Variants in ZNF257 observed in about 807,000 individuals in gnomAD.
ZNF257 encodes zinc finger protein 257, also known as bone marrow zinc finger 4.
ZNF257 carries 12 observed loss-of-function variants against 11.9 expected under a neutral mutation model. The ratio of observed to expected loss-of-function variants is 1.01; its 90% confidence interval spans 0.65 to 1.63. ZNF257 has a LOEUF of 1.63. Among genes scored for constraint, ZNF257 ranks in the 40% most tolerant of loss-of-function variants. ZNF257 has a pLI of 0.00. For missense variants in ZNF257, 580 were observed against 665.5 expected (o/e 0.87, Z 1.41); for synonymous variants, 183 against 222.7 (o/e 0.82, Z 1.59).
intron 1 of ZNF257, among the ~76,000 whole-genome samples, chr19:22,062,613 G>T (rs1309014687): frequency 6.6e-6 from 1 of 151,770 alleles, no homozygotes; most frequent in Non-Finnish European, 1.5e-5. Context: ...CTTTCAAGTA[G>T]CTGGGATTAC....
Position 22,089,309 on chromosome 19 carries a change from GT to G in ZNF257, c.1560del (p.Cys520TrpfsTer80). 6.2e-7 allele frequency: 1 copy of G among 1,613,858 alleles called. No individual in the cohort carries two copies. On this transcript the variant is annotated frameshift_variant, in exon 4 of 4. Transcript: ENST00000594947. LOFTEE classifies it low-confidence loss of function (END_TRUNC). ...TGEKPYKCEE[C>X]GKPFNRFSYL... The stretch of plus-strand genomic sequence containing the variant: ...GAGAAACCCTACAAATGTGAAGAAT[GT>G]GGCAAGCCTTTTAATCGTTTCTCAT...
At chr19:22,078,815 G>T (rs113023530) in intron 3 of ZNF257, among the ~76,000 whole-genome samples, 1 of 137,384 alleles carries the variant, frequency 7.3e-6, no homozygotes, top group African/African-American at 2.8e-5. Flanking sequence ...TTTTTGAGAC[G>T]GAGTTTTGCT....
At chr19:22,078,792 CTTTTTTT>C (rs376822565) in intron 3 of ZNF257, among the ~76,000 whole-genome samples, 1 of 133,014 alleles carries the variant, frequency 7.5e-6, no homozygotes, top group African/African-American at 2.8e-5. Flanking sequence ...TTCTTTCTTT[CTTTTTTT>C]TTTTTTTTTT....
At chr19:22,069,200 T>A (rs1386960865) in intron 1 of ZNF257, among the ~76,000 whole-genome samples, 2 of 152,172 alleles carry the variant, frequency 1.3e-5, no homozygotes, top group Admixed American at 6.5e-5. Context: ...ATCCATGAAC[T>A]TTTAGTCCAG....
intron 1 of ZNF257, among the ~76,000 whole-genome samples, chr19:22,059,889 T>G (rs541154172): frequency 0.15 from 19,535 of 126,602 alleles, 1,426 homozygotes; most frequent in Middle Eastern, 0.21. Flanking sequence ...CACCCACTAA[T>G]TTTTTTCTTT....
chr19:22,057,863 G>A (rs1024113324), intron 1 of ZNF257, among the ~76,000 whole-genome samples: 3 of 152,140 alleles, frequency 2.0e-5, no homozygotes, highest in Non-Finnish European at 4.4e-5. Context: ...GGGTTCAAGC[G>A]ATTCTCCTGC....
chr19:22,076,838 G>A (rs931152212), intron 3 of ZNF257, among the ~76,000 whole-genome samples: 1 of 151,986 alleles, frequency 6.6e-6, no homozygotes, highest in Non-Finnish European at 1.5e-5. Flanking sequence ...ACAGGCGCCC[G>A]CCACCATGCC....
intron 3 of ZNF257, among the ~76,000 whole-genome samples, chr19:22,084,095 G>A (rs371658903): frequency 1.3e-5 from 2 of 150,576 alleles, no homozygotes; most frequent in Non-Finnish European, 1.5e-5. Context: ...AGCTGAGATC[G>A]CGCCATCGCA....
At chr19:22,072,392 A>G (rs1481628537) in intron 1 of ZNF257, among the ~76,000 whole-genome samples, 1 of 152,140 alleles carries the variant, frequency 6.6e-6, no homozygotes, top group Non-Finnish European at 1.5e-5. Context: ...AATACTAGGA[A>G]AAACACAGGC....
Position 22,090,721 on chromosome 19 carries a change from GATAAAATT to G in ZNF257, c.*1285_*1292del, listed in dbSNP as rs972653832. On this transcript the variant is annotated 3_prime_UTR_variant, in exon 4 of 4. Transcript: ENST00000594947. ...TAATTAAATTCAAGTATACTTTTTTGATAAAATTATAAAGCTTTTTAAAAGTAAATAAT... is the reference window on the plus strand; with the variant it reads ...TAATTAAATTCAAGTATACTTTTTTGATAAAGCTTTTTAAAAGTAAATAAT... 25 of 152,034 alleles carry G rather than the reference GATAAAATT, an allele frequency of 1.6e-4. No homozygotes were observed. Among genetic ancestry groups the G allele is most frequent in the African/African-American group, 5.3e-4 (22 of 41,386 alleles). The allele number at this position is 152,034 out of a possible 1,614,324, so 9.4% of individuals were successfully genotyped here.
chr19:22,090,680 TTTC>T lies in ZNF257; in HGVS notation c.*1241_*1243del. On this transcript the variant is annotated 3_prime_UTR_variant, in exon 4 of 4. Transcript: ENST00000594947. ...TATGTAACTTTAAAATGAGTAGACA[TTTC>T]TTTGAGAAGTCATAATTAAATTCAA... 1 of 152,260 alleles carries T rather than the reference TTTC, an allele frequency of 6.6e-6. No individual in the cohort carries two copies. Among genetic ancestry groups the T allele is most frequent in the East Asian group, 1.9e-4 (1 of 5,190 alleles). 9.4% of individuals were successfully genotyped at this position (152,260 alleles called of 1,614,324 possible).
At chr19:22,078,097 G>T (rs1315804905) in intron 3 of ZNF257, among the ~76,000 whole-genome samples, 5 of 151,624 alleles carry the variant, frequency 3.3e-5, no homozygotes, top group African/African-American at 1.2e-4. Flanking sequence ...AATTAGCTGG[G>T]CGTGGTGGCG....
intron 1 of ZNF257, among the ~76,000 whole-genome samples, chr19:22,059,633 T>C (rs2145686787): frequency 8.3e-6 from 1 of 121,172 alleles, no homozygotes; most frequent in African/African-American, 3.6e-5. Context: ...GACATGATTT[T>C]GTTTCTTTTC....
intron 1 of ZNF257, among the ~76,000 whole-genome samples, chr19:22,057,253 T>C (rs866418607): frequency 2.0e-5 from 3 of 152,328 alleles, no homozygotes; most frequent in African/African-American, 4.8e-5. Context: ...ATAATTTTGC[T>C]AGATTTTTTA....
At chr19:22,064,849 T>A (rs925738206) in intron 1 of ZNF257, among the ~76,000 whole-genome samples, 1 of 151,890 alleles carries the variant, frequency 6.6e-6, no homozygotes, top group Admixed American at 6.6e-5. Flanking sequence ...AGGTCAGGAG[T>A]TGGAGACCAG....
rs557850159 is a variant in ZNF257, at chr19:22,052,502, G to A, written c.-131G>A. On this transcript the variant is annotated 5_prime_UTR_variant, in exon 1 of 4. Transcript: ENST00000594947. Reference sequence around the variant, plus strand: ...GGCGGGTACTTTGTCTCTCGCTCTAGCCCGAGCTGCAGGTCTCGTCTTCCC... The same window carrying A: ...GGCGGGTACTTTGTCTCTCGCTCTAACCCGAGCTGCAGGTCTCGTCTTCCC... 1.2e-5 allele frequency: 13 copies of A among 1,092,612 alleles called. No homozygotes were observed. The highest frequency in any genetic ancestry group is 2.2e-4 in the Middle Eastern group (1 of 4,612). The allele number at this position is 1,092,612 out of a possible 1,614,324, so 67.7% of individuals were successfully genotyped here.
In ZNF257 at chr19:22,089,050, G is replaced by A; in HGVS notation, c.1300G>A (p.Glu434Lys). Residue 434 changes from glutamate (E) to lysine (K), a missense_variant, in exon 4 of 4, where the codon GAA (glutamate) becomes AAA (lysine). Physicochemically the swap from Glu to Lys is moderately conservative, Grantham distance 56. Coordinates refer to ENST00000594947, the MANE Select transcript of ZNF257 (RefSeq NM_033468.4). The part of the protein sequence containing the change: ...IHTGEKPYKC[E>K]ECGKAFNRSS... ...TACTGGAGAGAAACCCTACAAATGT[G>A]AAGAGTGTGGCAAAGCCTTTAACCG... 1 of 1,613,546 alleles carries A rather than the reference G, an allele frequency of 6.2e-7. No individual in the cohort carries two copies. Among genetic ancestry groups the A allele is most frequent in the African/African-American group, 1.3e-5 (1 of 74,894 alleles).
chr19:22,070,984 TTTTG>T (rs1226844183), intron 1 of ZNF257, among the ~76,000 whole-genome samples: 2 of 152,050 alleles, frequency 1.3e-5, no homozygotes, highest in African/African-American at 4.8e-5. Context: ...TTCCTACAGG[TTTTG>T]TTTATTGTTT....
intron 1 of ZNF257, among the ~76,000 whole-genome samples, chr19:22,054,570 A>G (rs145093503): frequency 1.9e-3 from 284 of 152,332 alleles, no homozygotes; most frequent in African/African-American, 5.8e-3. Context: ...TACATTTTTT[A>G]TACCATATTT....
Sources: allele counts gnomAD v4.1 joint callset (sites outside exome capture counted in the v4.1 genomes callset), GRCh38; gene constraint gnomAD v4.1.1; transcripts MANE v1.5; gene names NCBI Gene and HGNC (gene_info 2026-07-23, HGNC 2026-07-21).